Variants in SPAG9 observed in about 807,000 individuals in gnomAD.
SPAG9 encodes the protein sperm associated antigen 9, also known as C-Jun-amino-terminal kinase-interacting protein 4.
A neutral mutation model predicts 166.5 loss-of-function variants in SPAG9; 35 were observed. The observed-to-expected ratio is 0.21, with a 90% CI of 0.16 to 0.28. The LOEUF (loss-of-function observed/expected upper bound fraction) is 0.28, where lower values mean the gene tolerates loss of function less well. Ranked by LOEUF, SPAG9 falls within the 10% of genes least tolerant of loss-of-function variation. SPAG9 has a pLI of 1.00. For synonymous variants in SPAG9, 534 were observed against 565.5 expected (o/e 0.94, Z 0.79); for missense variants, 1,235 against 1,603.3 (o/e 0.77, Z 3.92).
intron 5 of SPAG9, among the ~76,000 whole-genome samples, chr17:51,036,527 T>A (rs2046590607): frequency 6.6e-6 from 1 of 152,058 alleles, no homozygotes; most frequent in African/African-American, 2.4e-5. Context: ...TGCATCTTCT[T>A]TCTTCTCCAC....
chr17:51,070,603 A>G (rs751770225), intron 2 of SPAG9, among the ~76,000 whole-genome samples: 9 of 152,180 alleles, frequency 5.9e-5, no homozygotes, highest in Non-Finnish European at 1.0e-4. Flanking sequence ...TCTTACATTT[A>G]TTTTACCCTG....
At chr17:51,054,688 G>A (rs552441939) in intron 3 of SPAG9, among the ~76,000 whole-genome samples, 148 of 151,992 alleles carry the variant, frequency 9.7e-4, no homozygotes, top group Non-Finnish European at 1.6e-3. Context: ...CACCCACCTC[G>A]GCCTCCCAAA....
intron 11 of SPAG9, 39 bp from the exon 12 acceptor site, chr17:51,005,302 T>C (rs1347731177): frequency 6.3e-7 from 1 of 1,590,320 alleles, no homozygotes; most frequent in East Asian, 2.2e-5. Flanking sequence ...GTTATTTGAA[T>C]TGAGCTCATC....
chr17:51,040,384 T>C (rs2046792562), intron 5 of SPAG9: 1 of 152,158 alleles, frequency 6.6e-6, no homozygotes, highest in African/African-American at 2.4e-5. Context: ...TTAAAAATGA[T>C]TTTCAGTGGG....
chr17:51,079,456 C>G (rs970904613), intron 2 of SPAG9, 128 bp downstream of exon 2: 2 of 763,722 alleles, frequency 2.6e-6, no homozygotes, highest in African/African-American at 1.7e-5. Flanking sequence ...CCAGGCTGGT[C>G]TTGAACTCCT....
chr17:51,010,580 A>ATATATATATATATAT (rs1466337402), intron 9 of SPAG9, among the ~76,000 whole-genome samples: 1 of 140,222 alleles, frequency 7.1e-6, no homozygotes, highest in Admixed American at 7.2e-5. Context: ...AAAAAAAAAA[A>ATATATATATATATAT]AAATATATAT....
chr17:51,107,838 C>A (rs2048998287), intron 1 of SPAG9, among the ~76,000 whole-genome samples: 1 of 151,412 alleles, frequency 6.6e-6, no homozygotes, highest in African/African-American at 2.4e-5. Context: ...TAGCTTGAGC[C>A]CAGGAGGTTG....
At chr17:51,022,219 C>A (rs2045967473) in intron 6 of SPAG9, among the ~76,000 whole-genome samples, 1 of 150,324 alleles carries the variant, frequency 6.7e-6, no homozygotes, top group Admixed American at 6.6e-5. Flanking sequence ...TTGAGCCCAA[C>A]AAGACCCTGT....
chr17:51,005,643 G>A (rs2045181200), intron 11 of SPAG9, among the ~76,000 whole-genome samples: 1 of 152,216 alleles, frequency 6.6e-6, no homozygotes, highest in African/African-American at 2.4e-5. Flanking sequence ...CTGAGGTCAG[G>A]AGTTCAAGAC....
At chr17:51,043,379 AG>A (rs1385805739) in intron 4 of SPAG9, among the ~76,000 whole-genome samples, 1 of 152,202 alleles carries the variant, frequency 6.6e-6, no homozygotes, top group Non-Finnish European at 1.5e-5. Context: ...CTTAGTGCAT[AG>A]ATAATATAGT....
intron 3 of SPAG9, among the ~76,000 whole-genome samples, chr17:51,048,831 T>C (rs1276294266): frequency 6.6e-6 from 1 of 152,162 alleles, no homozygotes; most frequent in Non-Finnish European, 1.5e-5. Flanking sequence ...CCACAAAGAA[T>C]GAAAACAGAA....
intron 1 of SPAG9, among the ~76,000 whole-genome samples, chr17:51,087,395 A>T (rs777261053): frequency 7.2e-5 from 11 of 152,354 alleles, no homozygotes; most frequent in Non-Finnish European, 1.3e-4. Flanking sequence ...ATTCAAACAG[A>T]TGCCAAAATA....
intron 8 of SPAG9, among the ~76,000 whole-genome samples, chr17:51,019,611 G>C (rs1017324800): frequency 2.0e-5 from 3 of 151,540 alleles, no homozygotes; most frequent in Non-Finnish European, 4.4e-5. Flanking sequence ...CCAGGACTTT[G>C]GGAGGCCGAG....
intron 6 of SPAG9, among the ~76,000 whole-genome samples, chr17:51,030,295 A>C (rs2046336287): frequency 6.6e-6 from 1 of 151,978 alleles, no homozygotes. Flanking sequence ...ATGCCAATGT[A>C]GTGTTTTCCT....
chr17:51,040,149 G>C (rs374028894), intron 5 of SPAG9, among the ~76,000 whole-genome samples: 2 of 151,568 alleles, frequency 1.3e-5, no homozygotes, highest in African/African-American at 4.8e-5. Context: ...CAGGAGAATT[G>C]CTTGAACCCA....
chr17:51,004,216 G>A (rs908419846), intron 12 of SPAG9, among the ~76,000 whole-genome samples: 2 of 152,180 alleles, frequency 1.3e-5, no homozygotes, highest in Non-Finnish European at 2.9e-5. Flanking sequence ...CTGCAGGGGA[G>A]GAACACAGAA....
intron 1 of SPAG9, among the ~76,000 whole-genome samples, chr17:51,089,897 C>T (rs568438486): frequency 1.3e-5 from 2 of 150,988 alleles, no homozygotes; most frequent in African/African-American, 4.9e-5. Flanking sequence ...AGGCTGGTCT[C>T]GAACTCCTGA....
At chr17:51,051,628 G>C (rs1272577608) in intron 3 of SPAG9, among the ~76,000 whole-genome samples, 1 of 152,132 alleles carries the variant, frequency 6.6e-6, no homozygotes, top group African/African-American at 2.4e-5. Flanking sequence ...GCTGAGGTGG[G>C]AGAATCACAT....
chr17:51,051,320 G>A (rs1454232365), intron 3 of SPAG9, among the ~76,000 whole-genome samples: 1 of 152,154 alleles, frequency 6.6e-6, no homozygotes, highest in Non-Finnish European at 1.5e-5. Context: ...TGTTGGCCAG[G>A]CTGGTCTTAA....
Sources: allele counts gnomAD v4.1 joint callset (sites outside exome capture counted in the v4.1 genomes callset), GRCh38; gene constraint gnomAD v4.1.1; transcripts MANE v1.5; gene names NCBI Gene and HGNC (gene_info 2026-07-23, HGNC 2026-07-21).